Variants in GALNT13 observed in about 807,000 individuals in gnomAD.
GALNT13 encodes the protein UDP-GalNAc:polypeptide N-acetylgalactosaminyltransferase 13.
GALNT13 carries 28 observed loss-of-function variants against 64.2 expected under a neutral mutation model. The ratio of observed to expected loss-of-function variants is 0.44; its 90% CI spans 0.32 to 0.60. The LOEUF is 0.60. Ranked by LOEUF, GALNT13 falls within the 20% of genes least tolerant of loss-of-function variation. The probability of loss-of-function intolerance (pLI) is 0.05; values close to 1 mark genes in which losing one functional copy is unlikely to be tolerated. For missense variants in GALNT13, 577 were observed against 669.8 expected (o/e 0.86, Z 1.53); for synonymous variants, 214 against 224.6 (o/e 0.95, Z 0.42).
chr2:153,220,976 G>A, the GALNT13 span, among the ~76,000 whole-genome samples: 8 of 152,130 alleles, frequency 5.3e-5, no homozygotes. Flanking sequence ...ACAAACTGGA[G>A]CCTGTTGGAA....
At chr2:153,438,173 TAG>T in the GALNT13 span, among the ~76,000 whole-genome samples, 1 of 151,972 alleles carries the variant, frequency 6.6e-6, no homozygotes, top group African/African-American at 2.4e-5. Flanking sequence ...TTCTGGCTGG[TAG>T]AGTTTCTGCT....
chr2:153,661,736 T>A, the GALNT13 span, among the ~76,000 whole-genome samples: 1 of 152,214 alleles, frequency 6.6e-6, no homozygotes, highest in African/African-American at 2.4e-5. Flanking sequence ...ACATAATATA[T>A]CATCAATATC....
the GALNT13 span, among the ~76,000 whole-genome samples, chr2:153,495,310 AAAAC>A: frequency 6.4e-3 from 967 of 151,910 alleles, 11 homozygotes; most frequent in African/African-American, 0.021. Flanking sequence ...ACTCTGTCTC[AAAAC>A]AAACAAACAA....
intron 4 of GALNT13, among the ~76,000 whole-genome samples, chr2:154,186,078 G>A (rs1424223767): frequency 2.0e-5 from 3 of 151,864 alleles, no homozygotes; most frequent in Non-Finnish European, 4.4e-5. Flanking sequence ...TTTACACATT[G>A]TAATGCTTTC....
the GALNT13 span, among the ~76,000 whole-genome samples, chr2:153,746,286 C>G: frequency 6.6e-6 from 1 of 152,052 alleles, no homozygotes; most frequent in South Asian, 2.1e-4. Flanking sequence ...ATATACCTCC[C>G]AAAAGTTACC....
At chr2:153,412,366 T>A in the GALNT13 span, among the ~76,000 whole-genome samples, 1 of 152,202 alleles carries the variant, frequency 6.6e-6, no homozygotes, top group Non-Finnish European at 1.5e-5. Flanking sequence ...TCTGTCTTGT[T>A]AAAAGAAAAA....
At chr2:154,265,971 A>G (rs748762862) in intron 8 of GALNT13, among the ~76,000 whole-genome samples, 3 of 152,232 alleles carry the variant, frequency 2.0e-5, no homozygotes, top group Non-Finnish European at 2.9e-5. Flanking sequence ...TCAAAAATCC[A>G]TCAAGGTAAT....
At chr2:153,781,513 G>T in the GALNT13 span, among the ~76,000 whole-genome samples, 1 of 152,072 alleles carries the variant, frequency 6.6e-6, no homozygotes, top group African/African-American at 2.4e-5. Flanking sequence ...TGCATGCTGG[G>T]CAAGAATAAG....
At chr2:153,954,051 T>C (rs1692394057) in intron 3 of GALNT13, among the ~76,000 whole-genome samples, 1 of 152,168 alleles carries the variant, frequency 6.6e-6, no homozygotes, top group Non-Finnish European at 1.5e-5. Context: ...CTCCTCCTTA[T>C]AGCCATGCAC....
chr2:154,182,695 A>T (rs1686029266), intron 4 of GALNT13, among the ~76,000 whole-genome samples: 1 of 148,842 alleles, frequency 6.7e-6, no homozygotes, highest in Non-Finnish European at 1.5e-5. Flanking sequence ...TATATTTATT[A>T]TATTTGTATA....
chr2:154,433,822 A>G (rs1444783561), intron 11 of GALNT13, among the ~76,000 whole-genome samples: 1 of 152,130 alleles, frequency 6.6e-6, no homozygotes, highest in East Asian at 1.9e-4. Flanking sequence ...ATCTACTCCA[A>G]TACATTGTAA....
the GALNT13 span, among the ~76,000 whole-genome samples, chr2:153,510,343 C>A: frequency 3.3e-5 from 5 of 152,080 alleles, no homozygotes; most frequent in Non-Finnish European, 7.4e-5. Context: ...TAAGCTACGG[C>A]CAGAATCTTG....
chr2:154,064,485 A>G (rs2105374195), intron 3 of GALNT13, among the ~76,000 whole-genome samples: 1 of 152,256 alleles, frequency 6.6e-6, no homozygotes, highest in Middle Eastern at 3.4e-3. Flanking sequence ...CTTCTGCTTA[A>G]GGAGAGGAGA....
intron 9 of GALNT13, among the ~76,000 whole-genome samples, chr2:154,308,764 T>C (rs1693877457): frequency 6.6e-6 from 1 of 152,156 alleles, no homozygotes. Context: ...TCTAAATTAT[T>C]TTAAAGTGCC....
chr2:153,875,218 T>C (rs1057230295), intron 1 of GALNT13, among the ~76,000 whole-genome samples: 1 of 152,132 alleles, frequency 6.6e-6, no homozygotes, highest in African/African-American at 2.4e-5. Context: ...TAGAAATCCA[T>C]GGGCAGCAAT....
intron 3 of GALNT13, among the ~76,000 whole-genome samples, chr2:154,033,010 A>G (rs1365390157): frequency 6.6e-6 from 1 of 151,830 alleles, no homozygotes; most frequent in Non-Finnish European, 1.5e-5. Flanking sequence ...TGGGTGCGAA[A>G]GATACAGTCA....
intron 3 of GALNT13, among the ~76,000 whole-genome samples, chr2:154,025,211 C>T (rs1382134796): frequency 4.6e-5 from 7 of 152,314 alleles, no homozygotes; most frequent in African/African-American, 1.7e-4. Flanking sequence ...CTACTACTTT[C>T]TTCCAAGCTC....
chr2:154,455,383 T>C (rs1702018533), downstream of GALNT13, among the ~76,000 whole-genome samples: 1 of 152,168 alleles, frequency 6.6e-6, no homozygotes, highest in African/African-American at 2.4e-5. Flanking sequence ...TTCACAAATA[T>C]GAAGAATTTT....
At chr2:154,020,752 GT>G (rs1334981573) in intron 3 of GALNT13, among the ~76,000 whole-genome samples, 1 of 151,270 alleles carries the variant, frequency 6.6e-6, no homozygotes, top group Non-Finnish European at 1.5e-5. Flanking sequence ...TGCTTTTGGT[GT>G]TTTAGACATG....
Sources: allele counts gnomAD v4.1 joint callset (sites outside exome capture counted in the v4.1 genomes callset), GRCh38; gene constraint gnomAD v4.1.1; transcripts MANE v1.5; gene names NCBI Gene and HGNC (gene_info 2026-07-23, HGNC 2026-07-21).